CACNA1S: variants seen among roughly 807,000 people sequenced by gnomAD.
The protein encoded by CACNA1S is calcium voltage-gated channel subunit alpha1 S, also known as voltage-dependent L-type calcium channel subunit alpha-1S.
A neutral mutation model predicts 207.4 loss-of-function variants in CACNA1S; 126 were observed. The observed-to-expected ratio is 0.61, with a 90% CI of 0.53 to 0.70. CACNA1S has a LOEUF of 0.70. Ranked by LOEUF, CACNA1S falls within the 30% of genes least tolerant of loss-of-function variation. CACNA1S has a pLI of 0.00. For missense variants in CACNA1S, 2,349 were observed against 2,422.8 expected (o/e 0.97, Z 0.64); for synonymous variants, 960 against 932.7 (o/e 1.03, Z -0.53).
At chr1:201,073,302 G>C (rs766957760) in intron 15 of CACNA1S, among the ~76,000 whole-genome samples, 13 of 151,716 alleles carry the variant, frequency 8.6e-5, no homozygotes, top group Non-Finnish European at 1.8e-4. Context: ...TTGGTCTGGA[G>C]TGGGAAGCTG....
intron 2 of CACNA1S, 91 bp downstream of exon 2, chr1:201,110,073 C>T: frequency 8.5e-7 from 1 of 1,173,384 alleles, no homozygotes; most frequent in Non-Finnish European, 1.3e-6. Context: ...GAACCACCGG[C>T]ACCATCCCCC....
chr1:201,063,999 T>G (rs1009459658), intron 22 of CACNA1S, among the ~76,000 whole-genome samples: 3 of 152,190 alleles, frequency 2.0e-5, no homozygotes, highest in Non-Finnish European at 4.4e-5. Context: ...TTCTAGAACC[T>G]CCTGGAAGGC....
intron 10 of CACNA1S, among the ~76,000 whole-genome samples, chr1:201,082,097 C>T (rs376920467): frequency 2.8e-4 from 41 of 147,982 alleles, no homozygotes; most frequent in Middle Eastern, 3.6e-3. Context: ...GGTGCAATCT[C>T]GGCTCACTGC....
In CACNA1S at chr1:201,066,244, T is replaced by C; in HGVS notation, c.2730A>G (p.Arg910=). 6.2e-7 allele frequency: 1 copy of C among 1,613,672 alleles called. No individual in the cohort carries two copies. The highest frequency in any genetic ancestry group is 2.2e-5 in the East Asian group (1 of 44,834). The change falls in exon 21 of 44, where the codon AGA becomes AGG. Residue 910 remains arginine, a synonymous_variant. Coordinates refer to ENST00000362061, the MANE Select transcript of CACNA1S (RefSeq NM_000069.3). This position sits in a 1 kb window ranked among gnomAD's most constrained non-coding sequence, Gnocchi z 4.3. ...RVLRPLRAIN[R]AKGLKHVVQC... is the part of the protein sequence containing the mutation. ...CCTCTCTCACCTTCAACCCCTTGGC[T>C]CTGTTGATGGCTCTGAGTGGTCGGA...
In CACNA1S at chr1:201,083,265, C is replaced by T. The variant is rs1241905770; in HGVS notation, c.1290G>A (p.Lys430=). 8 of 1,614,116 alleles carry T rather than the reference C, an allele frequency of 5.0e-6. No individual in the cohort carries two copies. The highest frequency in any genetic ancestry group is 4.0e-5 in the African/African-American group (3 of 74,942). The change falls in exon 10 of 44, where the codon AAG becomes AAA. Residue 430 remains lysine (K), a synonymous_variant. Coordinates refer to ENST00000362061, the MANE Select transcript of CACNA1S (RefSeq NM_000069.3). Reference sequence around the variant, plus strand: ...TCACCAGCCAATAGAAGACCTTGGACTTCACGATGTCATGGCACTTCCAGC... The same window carrying T: ...TCACCAGCCAATAGAAGACCTTGGATTTCACGATGTCATGGCACTTCCAGC... The part of the protein sequence containing the change: ...IFRWKCHDIV[K]SKVFYWLVIL...
intron 10 of CACNA1S, among the ~76,000 whole-genome samples, chr1:201,079,677 A>C (rs1265447628): frequency 2.6e-5 from 4 of 151,826 alleles, no homozygotes; most frequent in Non-Finnish European, 4.4e-5. Flanking sequence ...GAACATTCCT[A>C]GGCACTAATA....
intron 16 of CACNA1S, among the ~76,000 whole-genome samples, chr1:201,071,703 T>G (rs1661439896): frequency 1.3e-5 from 2 of 152,200 alleles, no homozygotes; most frequent in African/African-American, 4.8e-5. Context: ...CCATCTCACC[T>G]GCACACAAGT....
intron 27 of CACNA1S, 95 bp from the exon 28 acceptor site, chr1:201,058,586 C>A (rs138337661): frequency 3.0e-6 from 3 of 1,008,712 alleles, no homozygotes; most frequent in Admixed American, 1.8e-5. Context: ...CGAGCTAATG[C>A]GGAGCTGCGG....
At chr1:201,098,916 A>G (rs1475235561) in intron 2 of CACNA1S, among the ~76,000 whole-genome samples, 1 of 151,922 alleles carries the variant, frequency 6.6e-6, no homozygotes, top group Non-Finnish European at 1.5e-5. Flanking sequence ...CCTGGGGCCA[A>G]ACTTAGCTGG....
intron 16 of CACNA1S, among the ~76,000 whole-genome samples, chr1:201,072,236 G>A (rs9427713): frequency 0.25 from 37,380 of 152,008 alleles, 6,021 homozygotes; most frequent in Non-Finnish European, 0.37. Context: ...GTTTATCCAC[G>A]GTTGTTTCTT....
rs372197177 is a variant in CACNA1S at position 201,083,154 on chromosome 1, C to G, written c.1393+8G>C. The G allele has an allele frequency of 6.2e-7, 1 of 1,613,844 alleles. No individual in the cohort carries two copies. The highest frequency in any genetic ancestry group is 1.3e-5 in the African/African-American group (1 of 74,942). On this transcript the variant is annotated splice_region_variant and intron_variant, in intron 10 of 43. Transcript: ENST00000362061. The stretch of plus-strand genomic sequence containing the variant: ...CCCTCCTCCCGGCTTCACTCCGTTC[C>G]GCCTCACCTTGCAAACGGGTCAGCC...
rs201077181 is a variant in CACNA1S, at chr1:201,052,543, C to T, written c.3953+14G>A. 219 of 1,590,022 alleles carry T rather than the reference C, an allele frequency of 1.4e-4. No homozygotes were observed. Among genetic ancestry groups the T allele is most frequent in the Admixed American group, 1.1e-3 (63 of 59,806 alleles). ...GTCAGCGGGGTAGGGGTGGGGGTGG[C>T]GGGAGACGCGTGCCTGAAGAGCAGT... On this transcript the variant is annotated intron_variant, in intron 32 of 43. Transcript: ENST00000362061.
Position 201,048,613 on chromosome 1 carries a change from C to T in CACNA1S, c.4410G>A (p.Leu1470=). The T allele has an allele frequency of 1.9e-6, 3 of 1,614,022 alleles. No homozygotes were observed. The highest frequency in any genetic ancestry group is 2.2e-5 in the South Asian group (2 of 91,092). The part of the protein sequence containing the change: ...TVTFNATLFA[L]VRTALKIKTE... ...TCTTGATCTTGAGTGCCGTGCGGACCAGGGCAAAGAGTGTGGCATTGAAGG... is the reference window on the plus strand; with the variant it reads ...TCTTGATCTTGAGTGCCGTGCGGACTAGGGCAAAGAGTGTGGCATTGAAGG... The change falls in exon 36 of 44, where the codon CTG becomes CTA. Residue 1470 remains leucine (L), a synonymous_variant. Coordinates refer to ENST00000362061, the MANE Select transcript of CACNA1S (RefSeq NM_000069.3).
chr1:201,062,356 T>A, intron 23 of CACNA1S, 106 bp downstream of exon 23: 2 of 1,188,538 alleles, frequency 1.7e-6, no homozygotes, highest in South Asian at 2.4e-5. Context: ...CCTGCCACAC[T>A]CCCTGCCCCG....
chr1:201,078,634 T>A (rs902570329), intron 10 of CACNA1S, among the ~76,000 whole-genome samples: 37 of 151,976 alleles, frequency 2.4e-4, no homozygotes, highest in Non-Finnish European at 5.1e-4. Flanking sequence ...CTGAAGTTCA[T>A]TAAGTCTGCT....
chr1:201,091,616 G>A (rs1254061343), intron 5 of CACNA1S, 24 bp downstream of exon 5: 4 of 1,614,000 alleles, frequency 2.5e-6, no homozygotes, highest in South Asian at 1.1e-5. Flanking sequence ...CTGCCCCACA[G>A]CCCCACTTTC....
At chr1:201,110,052 G>T in intron 2 of CACNA1S, 112 bp downstream of exon 2, 1 of 983,254 alleles carries the variant, frequency 1.0e-6, no homozygotes, top group Non-Finnish European at 1.6e-6. Flanking sequence ...GGCCTGCATC[G>T]TCAGGGAGTT....
At chr1:201,101,717 G>A (rs1227973957) in intron 2 of CACNA1S, among the ~76,000 whole-genome samples, 1 of 152,220 alleles carries the variant, frequency 6.6e-6, no homozygotes, top group African/African-American at 2.4e-5. Context: ...GGGGGATCTG[G>A]GCAGGCTGCT....
chr1:201,095,078 G>C (rs1662369572), intron 2 of CACNA1S, among the ~76,000 whole-genome samples: 1 of 151,516 alleles, frequency 6.6e-6, no homozygotes, highest in African/African-American at 2.4e-5. Context: ...TGCTGACCCA[G>C]CCTGCAGTCT....
Sources: gnomAD v4.1 joint callset for allele counts (sites outside exome capture counted in the v4.1 genomes callset) on GRCh38, gnomAD v4.1.1 for gene constraint, Gnocchi (gnomAD v3.1) non-coding constraint, MANE v1.5 for transcripts, NCBI Gene and HGNC (gene_info 2026-07-23, HGNC 2026-07-21) for gene names.